The following NUP210 variants were observed in gnomAD, a reference collection of about 807,000 sequenced individuals.
NUP210 encodes the protein nuclear pore membrane glycoprotein 210.
Under a neutral mutation model 196.0 loss-of-function variants are expected in NUP210, and 151 were observed. The ratio of observed to expected loss-of-function variants is 0.77; its 90% CI spans 0.67 to 0.88. The LOEUF is 0.88. Ranked by LOEUF, NUP210 falls within the 40% of genes least tolerant of loss-of-function variation. NUP210 has a pLI of 0.00. For missense variants in NUP210, 2,314 were observed against 2,493.7 expected (o/e 0.93, Z 1.53); for synonymous variants, 1,070 against 1,052.7 (o/e 1.02, Z -0.32).
chr3:13,401,453 G>C (rs1699838806), intron 1 of NUP210, among the ~76,000 whole-genome samples: 2 of 152,030 alleles, frequency 1.3e-5, no homozygotes, highest in African/African-American at 4.8e-5. Flanking sequence ...ATGGACCTTG[G>C]AAGTTCACGG....
At chr3:13,353,862 C>T (rs1258159280) in intron 17 of NUP210, 53 bp downstream of exon 17, 15 of 1,539,164 alleles carry the variant, frequency 9.7e-6, no homozygotes. Context: ...TGGCAGGCTT[C>T]CTGTCTGGTC....
intron 15 of NUP210, among the ~76,000 whole-genome samples, 174 bp downstream of exon 15, chr3:13,360,096 T>C (rs1014408289): frequency 3.3e-5 from 5 of 152,316 alleles, no homozygotes; most frequent in Admixed American, 3.3e-4. Flanking sequence ...CTGCCTGGCG[T>C]TCATTGAGTC....
intron 6 of NUP210, among the ~76,000 whole-genome samples, chr3:13,381,504 C>T (rs1699099458): frequency 1.3e-5 from 2 of 150,866 alleles, no homozygotes; most frequent in Non-Finnish European, 2.9e-5. Flanking sequence ...TCACAGCTCA[C>T]TGCAGCCTGG....
At chr3:13,360,223 C>T (rs751848526) in intron 15 of NUP210, 47 bp downstream of exon 15, 2 of 1,499,452 alleles carry the variant, frequency 1.3e-6, no homozygotes, top group Admixed American at 1.7e-5. Context: ...AGTCATTTTC[C>T]ACCCCTGCCT....
intron 1 of NUP210, among the ~76,000 whole-genome samples, chr3:13,409,834 A>G (rs1184429660): frequency 8.3e-6 from 1 of 119,934 alleles, no homozygotes; most frequent in East Asian, 2.2e-4. Context: ...TGTATCCTGA[A>G]TACTAATTTT....
At chr3:13,360,207 TGAGA>T (rs1270206379) in intron 15 of NUP210, 59 bp downstream of exon 15, 4 of 1,369,316 alleles carry the variant, frequency 2.9e-6, no homozygotes, top group Non-Finnish European at 4.1e-6. Context: ...AAAACAATAC[TGAGA>T]GAGTCATTTT....
chr3:13,330,629 C>T lies in NUP210; in HGVS notation c.3941G>A (p.Gly1314Asp), dbSNP rs753891971. 4 of 1,613,706 alleles carry T rather than the reference C, an allele frequency of 2.5e-6. No homozygotes were observed. The highest frequency in any genetic ancestry group is 2.2e-5 in the East Asian group (1 of 44,876). Residue 1314 changes from glycine to aspartate, a missense_variant, in exon 30 of 40, where the codon GGT becomes GAT. Gly to Asp is a moderately conservative substitution (Grantham distance 94). Transcript: ENST00000254508. Reference sequence around the variant, plus strand: ...GACGCGGTAGCTCAGAGAGGCTGCACCATCCCTTTGGAAAACAAAACAGAG... The same window carrying T: ...GACGCGGTAGCTCAGAGAGGCTGCATCATCCCTTTGGAAAACAAAACAGAG... ...SYIKLQTNRDGAASLSYRVLD... is the reference protein window; with the variant it reads ...SYIKLQTNRDDAASLSYRVLD...
intron 20 of NUP210, chr3:13,344,898 C>T (rs1352630139): frequency 7.1e-6 from 7 of 982,278 alleles, no homozygotes; most frequent in African/African-American, 1.7e-5. Flanking sequence ...CCAGGTCCAG[C>T]GTCCTTCCTC....
At chr3:13,406,850 C>T (rs1231493558) in intron 1 of NUP210, among the ~76,000 whole-genome samples, 1 of 150,904 alleles carries the variant, frequency 6.6e-6, no homozygotes, top group Non-Finnish European at 1.5e-5. Context: ...CCCCCCCACC[C>T]CCCACACGGC....
At chr3:13,318,985 T>C (rs1696388624) in intron 39 of NUP210, 87 bp downstream of exon 39, 1 of 1,296,458 alleles carries the variant, frequency 7.7e-7, no homozygotes, top group Non-Finnish European at 1.1e-6. Context: ...TGTTGAGACT[T>C]AGGGTTCAGG....
At chr3:13,368,129 G>A (rs1252628813) in intron 13 of NUP210, among the ~76,000 whole-genome samples, 1 of 152,038 alleles carries the variant, frequency 6.6e-6, no homozygotes, top group African/African-American at 2.4e-5. Context: ...AGGCTGGAGT[G>A]CAGTGGCACA....
rs778490988 is a variant in NUP210 at position 13,328,768 on chromosome 3, T to C, written c.4286+3A>G. On this transcript the variant is annotated splice_donor_region_variant and intron_variant, in intron 31 of 39. Transcript: ENST00000254508. ...GGAGAAATGACCCTTGCCCACATCCTACCTGTTAGTGGCAAAGTTGAGGAC... is the reference window on the plus strand; with the variant it reads ...GGAGAAATGACCCTTGCCCACATCCCACCTGTTAGTGGCAAAGTTGAGGAC... 6.2e-7 allele frequency: 1 copy of C among 1,613,908 alleles called. No homozygotes were observed. The highest frequency in any genetic ancestry group is 8.5e-7 in the Non-Finnish European group (1 of 1,179,768).
intron 28 of NUP210, among the ~76,000 whole-genome samples, chr3:13,334,985 G>C (rs1697150322): frequency 6.6e-6 from 1 of 152,244 alleles, no homozygotes; most frequent in African/African-American, 2.4e-5. Context: ...GGCATCAGCA[G>C]GTGGCAGCCC....
At chr3:13,339,583 C>A (rs1697373754) in intron 25 of NUP210, among the ~76,000 whole-genome samples, 1 of 152,248 alleles carries the variant, frequency 6.6e-6, no homozygotes. Flanking sequence ...TGGAAGGGCC[C>A]TTTGGGGCCG....
At chr3:13,324,049 C>T (rs1199274355) in intron 33 of NUP210, among the ~76,000 whole-genome samples, 2 of 152,180 alleles carry the variant, frequency 1.3e-5, no homozygotes, top group East Asian at 3.9e-4. Flanking sequence ...AACTTCAGAG[C>T]AGGGATGCGA....
In NUP210 at chr3:13,391,514, G is replaced by T. The variant is rs932114679; in HGVS notation, c.437-207C>A. ...CATGGTCATGTGACCACCAGGGGGC[G>T]AGGCCAGAATTTGAACCTAGGGCTG... On this transcript the variant is annotated intron_variant, in intron 3 of 39. Coordinates refer to ENST00000254508, the MANE Select transcript of NUP210 (RefSeq NM_024923.4). Among the ~76,000 whole-genome samples the T allele has an allele frequency of 2.0e-5, 3 of 151,466 alleles. No individual in the cohort carries two copies. In the South Asian group the frequency reaches 6.3e-4, roughly 32 times the overall value.
chr3:13,414,466 G>A (rs1185797247), intron 1 of NUP210, among the ~76,000 whole-genome samples: 2 of 151,510 alleles, frequency 1.3e-5, no homozygotes, highest in Non-Finnish European at 2.9e-5. Context: ...AGCCCTCAGG[G>A]GCCAGGGAGA....
At chr3:13,402,111 G>A (rs1270707511) in intron 1 of NUP210, among the ~76,000 whole-genome samples, 1 of 152,106 alleles carries the variant, frequency 6.6e-6, no homozygotes, top group Non-Finnish European at 1.5e-5. Flanking sequence ...TGGGAGGGAG[G>A]ATCCCTTGAG....
At chr3:13,390,625 C>T (rs112262686) in intron 4 of NUP210, among the ~76,000 whole-genome samples, 12 of 152,324 alleles carry the variant, frequency 7.9e-5, no homozygotes, top group African/African-American at 2.9e-4. Context: ...AGTTCAGACT[C>T]CAGCTCTGTC....
Sources: gnomAD v4.1 joint callset for allele counts (sites outside exome capture counted in the v4.1 genomes callset) on GRCh38, gnomAD v4.1.1 for gene constraint, MANE v1.5 for transcripts, NCBI Gene and HGNC (gene_info 2026-07-23, HGNC 2026-07-21) for gene names.